The following GALNT14 variants were observed in gnomAD, a reference collection of about 807,000 sequenced individuals.
GALNT14 encodes UDP-GalNAc:polypeptide N-acetylgalactosaminyltransferase 14.
Under a neutral mutation model 77.5 loss-of-function variants are expected in GALNT14, and 60 were observed. The ratio of observed to expected loss-of-function variants is 0.77; its 90% CI spans 0.63 to 0.96. GALNT14 has a LOEUF of 0.96. Among genes scored for constraint, GALNT14 ranks in the 40% least tolerant of loss-of-function variants. GALNT14 has a pLI of 0.00. For synonymous variants in GALNT14, 280 were observed against 281.7 expected (o/e 0.99, Z 0.06); for missense variants, 710 against 731.0 (o/e 0.97, Z 0.33).
the GALNT14 span, among the ~76,000 whole-genome samples, chr2:30,897,827 C>G: frequency 6.6e-6 from 1 of 152,216 alleles, no homozygotes; most frequent in South Asian, 2.1e-4. Flanking sequence ...CTGATCCTTA[C>G]TGCCCTTTTC....
Position 31,138,385 on chromosome 2 carries a change from A to T in GALNT14, c.-299T>A, listed in dbSNP as rs1361306089. ...CTGCCGAGATGTTCCCCACGCCGCCACCGCGGCTGCCGCCGCCGCCGCCGC... is the reference window on the plus strand; with the variant it reads ...CTGCCGAGATGTTCCCCACGCCGCCTCCGCGGCTGCCGCCGCCGCCGCCGC... On this transcript the variant is annotated 5_prime_UTR_variant, in exon 1 of 15. Coordinates refer to ENST00000349752, the MANE Select transcript of GALNT14 (RefSeq NM_024572.4). 1 of 348,460 alleles carries T rather than the reference A, an allele frequency of 2.9e-6. No homozygotes were observed. Among genetic ancestry groups the T allele is most frequent in the Non-Finnish European group, 5.2e-6 (1 of 191,334 alleles). The allele number at this position is 348,460 out of a possible 1,614,324, so 21.6% of individuals were successfully genotyped here.
intron 1 of GALNT14, among the ~76,000 whole-genome samples, chr2:31,112,557 G>A (rs941802067): frequency 6.6e-6 from 1 of 152,140 alleles, no homozygotes; most frequent in South Asian, 2.1e-4. Context: ...TGTCACGATC[G>A]TCAAAGAAAA....
intron 2 of GALNT14, among the ~76,000 whole-genome samples, chr2:30,972,349 C>T (rs975348389): frequency 1.2e-4 from 19 of 152,168 alleles, no homozygotes; most frequent in Non-Finnish European, 2.4e-4. Flanking sequence ...ATCAAACAGG[C>T]CTGGCGTGGC....
At chr2:31,129,207 C>A in intron 1 of GALNT14, 2 of 246,058 alleles carry the variant, frequency 8.1e-6, no homozygotes, top group Non-Finnish European at 1.3e-5. Context: ...GCTAGCTTGC[C>A]CAAGTCCCTA....
intron 1 of GALNT14, among the ~76,000 whole-genome samples, chr2:31,086,427 C>A (rs1053991399): frequency 6.6e-6 from 1 of 152,122 alleles, no homozygotes; most frequent in Non-Finnish European, 1.5e-5. Flanking sequence ...CCTTTCCCTC[C>A]CGTGCCAGGC....
intron 2 of GALNT14, 129 bp downstream of exon 2, chr2:30,992,709 T>C: frequency 9.5e-7 from 1 of 1,050,446 alleles, no homozygotes; most frequent in Admixed American, 2.1e-5. Context: ...ATCCCTTTAG[T>C]GTTCAACTGG....
Position 30,958,420 on chromosome 2 carries a change from A to G in GALNT14, c.443T>C (p.Leu148Ser), listed in dbSNP as rs1384122904. 1 of 1,614,082 alleles carries G rather than the reference A, an allele frequency of 6.2e-7. No homozygotes were observed. Among genetic ancestry groups the G allele is most frequent in the African/African-American group, 1.3e-5 (1 of 75,048 alleles). ...TPTHLIREII[L>S]VDDFSNDPDD... ...ACGGTCATTGCTGAAGTCATCCACT[A>G]ATATGATTTCCCGGATCAGATGCGT... Residue 148 changes from leucine (L) to serine (S), a missense_variant, in exon 4 of 15, where the codon TTA (leucine) becomes TCA (serine). Transcript: ENST00000349752.
chr2:31,011,996 C>A (rs1422989888), intron 1 of GALNT14, among the ~76,000 whole-genome samples: 1 of 150,028 alleles, frequency 6.7e-6, no homozygotes, highest in Non-Finnish European at 1.5e-5. Context: ...TTGAAACGGG[C>A]AGGGGCAAAG....
chr2:31,073,352 T>C (rs1382354390), intron 1 of GALNT14, among the ~76,000 whole-genome samples: 1 of 152,210 alleles, frequency 6.6e-6, no homozygotes, highest in East Asian at 1.9e-4. Context: ...GATATTGTTC[T>C]AGACATGGGA....
intron 1 of GALNT14, among the ~76,000 whole-genome samples, chr2:31,074,040 A>C (rs1174645737): frequency 6.6e-6 from 1 of 152,232 alleles, no homozygotes; most frequent in East Asian, 1.9e-4. Context: ...CACTGCCAAC[A>C]GCTGCCTGTG....
At chr2:31,104,927 G>A (rs1172469248) in intron 1 of GALNT14, among the ~76,000 whole-genome samples, 1 of 152,140 alleles carries the variant, frequency 6.6e-6, no homozygotes, top group Non-Finnish European at 1.5e-5. Flanking sequence ...ACACTTTTGT[G>A]GGAAGCTTTA....
At chr2:31,057,374 GTATA>G (rs201931090) in intron 1 of GALNT14, among the ~76,000 whole-genome samples, 1,107 of 25,488 alleles carry the variant, frequency 0.043, 15 homozygotes, top group African/African-American at 0.11. Context: ...GTGTGTGTGT[GTATA>G]TATATATATA....
intron 2 of GALNT14, among the ~76,000 whole-genome samples, chr2:30,977,664 C>T (rs1396087788): frequency 6.6e-6 from 1 of 152,140 alleles, no homozygotes; most frequent in Non-Finnish European, 1.5e-5. Context: ...ATGTGCTAGA[C>T]TCAGCACCCT....
chr2:30,928,690 C>T (rs1251055680), intron 11 of GALNT14, among the ~76,000 whole-genome samples: 1 of 152,122 alleles, frequency 6.6e-6, no homozygotes, highest in Admixed American at 6.5e-5. Context: ...GATCTCGGCT[C>T]ACTGCAACCT....
the GALNT14 span, among the ~76,000 whole-genome samples, chr2:30,899,701 T>C: frequency 6.6e-6 from 1 of 152,212 alleles, no homozygotes; most frequent in African/African-American, 2.4e-5. Context: ...CTCAAGTCCT[T>C]TTCCAATAAG....
intron 9 of GALNT14, 42 bp downstream of exon 9, chr2:30,942,159 G>C: frequency 7.0e-7 from 1 of 1,427,848 alleles, no homozygotes. Context: ...TCCCCAGGGT[G>C]TATAGAACAG....
intron 3 of GALNT14, 28 bp from the exon 4 acceptor site, chr2:30,958,492 C>G (rs1402973046): frequency 6.3e-7 from 1 of 1,597,482 alleles, no homozygotes; most frequent in Admixed American, 1.7e-5. Flanking sequence ...AAAAAAATCA[C>G]TGGAACTTCT....
At chr2:31,008,361 T>C (rs925473426) in intron 1 of GALNT14, among the ~76,000 whole-genome samples, 1 of 152,142 alleles carries the variant, frequency 6.6e-6, no homozygotes, top group Non-Finnish European at 1.5e-5. Context: ...CTTCCCAAAG[T>C]GCTGGGATTA....
At chr2:31,030,359 T>C (rs1672331689) in intron 1 of GALNT14, among the ~76,000 whole-genome samples, 1 of 152,136 alleles carries the variant, frequency 6.6e-6, no homozygotes, top group Admixed American at 6.5e-5. Context: ...TCAAGGCATT[T>C]GATTTTGCTA....
Sources: gnomAD v4.1 joint callset for allele counts (sites outside exome capture counted in the v4.1 genomes callset) on GRCh38, gnomAD v4.1.1 for gene constraint, MANE v1.5 for transcripts, NCBI Gene and HGNC (gene_info 2026-07-23, HGNC 2026-07-21) for gene names.